PRIM2: variants seen among roughly 807,000 people sequenced by gnomAD.
PRIM2 encodes the protein DNA primase large subunit.
Under a neutral mutation model 67.3 loss-of-function variants are expected in PRIM2, and 39 were observed. The observed-to-expected ratio is 0.58, with a 90% CI of 0.45 to 0.76. PRIM2 has a LOEUF of 0.76. Ranked by LOEUF, PRIM2 falls within the 30% of genes least tolerant of loss-of-function variation. The probability of loss-of-function intolerance (pLI) is 0.00; values close to 1 mark genes in which losing one functional copy is unlikely to be tolerated. For synonymous variants in PRIM2, 143 were observed against 198.7 expected, an observed-to-expected ratio of 0.72 and a Z score of 2.36; for missense variants, 398 against 598.7, an observed-to-expected ratio of 0.66 and a Z score of 3.50.
chr6:57,591,718 G>A (rs1582008748), intron 10 of PRIM2, among the ~76,000 whole-genome samples: 2 of 152,232 alleles, frequency 1.3e-5, no homozygotes, highest in East Asian at 1.9e-4. Context: ...ACACACTACT[G>A]GCGAGAATGC....
chr6:57,422,223 C>G (rs1304891882), intron 7 of PRIM2, among the ~76,000 whole-genome samples: 1 of 127,760 alleles, frequency 7.8e-6, no homozygotes, highest in Non-Finnish European at 1.6e-5. Context: ...GGTGTGATCT[C>G]GGCTCACTGC....
chr6:57,449,342 T>C (rs1772461721), intron 7 of PRIM2, among the ~76,000 whole-genome samples: 3 of 152,170 alleles, frequency 2.0e-5, no homozygotes, highest in Admixed American at 2.0e-4. Context: ...TCTTGAACAA[T>C]TAAAATTACT....
At chr6:57,266,733 A>C in the PRIM2 span, among the ~76,000 whole-genome samples, 1 of 152,214 alleles carries the variant, frequency 6.6e-6, no homozygotes, top group African/African-American at 2.4e-5. Flanking sequence ...AAAATAGTCT[A>C]TGTCGCCACA....
At chr6:57,438,886 C>T (rs940854477) in intron 7 of PRIM2, among the ~76,000 whole-genome samples, 3 of 151,998 alleles carry the variant, frequency 2.0e-5, no homozygotes, top group Middle Eastern at 3.2e-3. Flanking sequence ...GATTCTCCTG[C>T]CTCAGCCTCC....
the PRIM2 span, among the ~76,000 whole-genome samples, chr6:57,285,714 C>T: frequency 6.6e-6 from 1 of 152,136 alleles, no homozygotes; most frequent in Non-Finnish European, 1.5e-5. Flanking sequence ...ACAGGATGCC[C>T]TCTCTCACCA....
chr6:57,358,873 T>C (rs2159648), intron 5 of PRIM2, among the ~76,000 whole-genome samples: 1 of 152,210 alleles, frequency 6.6e-6, no homozygotes, highest in Non-Finnish European at 1.5e-5. Flanking sequence ...AATTATTTGA[T>C]ATTTTCTCAT....
At chr6:57,418,499 C>T (rs1353102011) in intron 7 of PRIM2, among the ~76,000 whole-genome samples, 12 of 144,426 alleles carry the variant, frequency 8.3e-5, no homozygotes, top group South Asian at 2.3e-4. Flanking sequence ...CGGGTTCAAG[C>T]GATTCTCCTG....
chr6:57,275,366 G>A, the PRIM2 span, among the ~76,000 whole-genome samples: 1 of 152,162 alleles, frequency 6.6e-6, no homozygotes, highest in Non-Finnish European at 1.5e-5. Flanking sequence ...GAGCACACCT[G>A]TAATCCCAGC....
chr6:57,334,949 C>T (rs1449377787), intron 5 of PRIM2, among the ~76,000 whole-genome samples: 1 of 152,144 alleles, frequency 6.6e-6, no homozygotes, highest in African/African-American at 2.4e-5. Flanking sequence ...ATCTGAGGTA[C>T]CGGGTTCATC....
chr6:57,287,743 T>C, the PRIM2 span, among the ~76,000 whole-genome samples: 1 of 151,572 alleles, frequency 6.6e-6, no homozygotes, highest in African/African-American at 2.4e-5. Context: ...AGCTGCATGT[T>C]CAGCACATGT....
chr6:57,350,102 C>T (rs961185777), intron 5 of PRIM2, among the ~76,000 whole-genome samples: 18 of 152,152 alleles, frequency 1.2e-4, no homozygotes, highest in Non-Finnish European at 2.5e-4. Flanking sequence ...GGCAAGCTAA[C>T]CTCTCAGATA....
At chr6:57,432,081 G>T (rs113808000) in intron 7 of PRIM2, among the ~76,000 whole-genome samples, 1,660 of 152,198 alleles carry the variant, frequency 0.011, 32 homozygotes, top group African/African-American at 0.038. Flanking sequence ...CACCAATTTA[G>T]CCTTTTTACA....
At chr6:57,250,442 A>G in the PRIM2 span, among the ~76,000 whole-genome samples, 3 of 152,350 alleles carry the variant, frequency 2.0e-5, no homozygotes, top group South Asian at 4.1e-4. Flanking sequence ...ACAAATGCCT[A>G]CATAGATATA....
chr6:57,452,909 A>G (rs1772607620), intron 7 of PRIM2, among the ~76,000 whole-genome samples: 1 of 152,142 alleles, frequency 6.6e-6, no homozygotes, highest in Non-Finnish European at 1.5e-5. Context: ...TAGGGTTTTT[A>G]TGGTTTTAGG....
chr6:57,370,276 G>T (rs542448508), intron 5 of PRIM2, among the ~76,000 whole-genome samples: 223 of 152,202 alleles, frequency 1.5e-3, no homozygotes, highest in Admixed American at 3.1e-3. Context: ...TCATTTAGGA[G>T]AACCTAAATA....
intron 7 of PRIM2, among the ~76,000 whole-genome samples, chr6:57,384,108 C>T (rs1770054600): frequency 6.6e-6 from 1 of 152,160 alleles, no homozygotes; most frequent in South Asian, 2.1e-4. Flanking sequence ...ATGCCTTATC[C>T]TCAGTCTGGC....
chr6:57,420,315 C>T (rs1422379243), intron 7 of PRIM2, among the ~76,000 whole-genome samples: 1 of 151,996 alleles, frequency 6.6e-6, no homozygotes, highest in East Asian at 1.9e-4. Context: ...CCAATGTGAC[C>T]AACGTGGTGA....
intron 7 of PRIM2, among the ~76,000 whole-genome samples, chr6:57,456,635 A>G (rs1462116031): frequency 2.6e-5 from 4 of 151,660 alleles, no homozygotes; most frequent in African/African-American, 9.7e-5. Context: ...TTTCACCTCC[A>G]TTAGGTCCTT....
chr6:57,535,573 A>G, intron 9 of PRIM2, among the ~76,000 whole-genome samples: 1 of 152,208 alleles, frequency 6.6e-6, no homozygotes, highest in Non-Finnish European at 1.5e-5. Context: ...ATTGAAAAGT[A>G]GTTATTGGCC....
Sources: gnomAD v4.1 joint callset for allele counts (sites outside exome capture counted in the v4.1 genomes callset) on GRCh38, gnomAD v4.1.1 for gene constraint, MANE v1.5 for transcripts, NCBI Gene and HGNC (gene_info 2026-07-23, HGNC 2026-07-21) for gene names.